Variants in KIRREL3 observed in about 807,000 individuals in gnomAD.
The protein encoded by KIRREL3 is kin of IRRE-like protein 3.
KIRREL3 carries 36 observed loss-of-function variants against 89.7 expected under a neutral mutation model. That is an observed-to-expected ratio of 0.40 (90% confidence interval 0.31 to 0.53). The LOEUF (loss-of-function observed/expected upper bound fraction) is 0.53. Ranked by LOEUF, KIRREL3 falls within the 20% of genes least tolerant of loss-of-function variation. The probability of loss-of-function intolerance (pLI) is 0.49; values close to 1 mark genes in which losing one functional copy is unlikely to be tolerated. For missense variants in KIRREL3, 864 were observed against 1,056.6 expected (o/e 0.82, Z 2.53); for synonymous variants, 445 against 441.4 (o/e 1.01, Z -0.10).
rs1421055627 is a variant in KIRREL3 at position 126,969,354 on chromosome 11, G to A, written c.55+31101C>T. 6.6e-6 allele frequency among the ~76,000 whole-genome samples: 1 copy of A among 152,146 alleles called. No individual in the cohort carries two copies. Among genetic ancestry groups the A allele is most frequent in the East Asian group, 1.9e-4 (1 of 5,186 alleles). ...GTTGTCCACTGGGGAAAACGCCTGGGCAATTCCCTGCAGTGTGGCAGGTGT... is the reference window on the plus strand; with the variant it reads ...GTTGTCCACTGGGGAAAACGCCTGGACAATTCCCTGCAGTGTGGCAGGTGT... On this transcript the variant is annotated intron_variant, in intron 1 of 16. Coordinates refer to ENST00000525144, the MANE Select transcript of KIRREL3 (RefSeq NM_032531.4). This position sits in a 1 kb window ranked among gnomAD's most constrained non-coding sequence, Gnocchi z 4.9.
At chr11:126,473,106 T>TCGCTACCTAACCCCCCCAGCCCCTCCCAA (rs1956966056) in intron 5 of KIRREL3, among the ~76,000 whole-genome samples, 1 of 580 alleles carries the variant, frequency 1.7e-3, no homozygotes, top group Non-Finnish European at 4.8e-3. Flanking sequence ...GCCCCTCTCC[T>TCGCTACCTAACCCCCCCAGCCCCTCCCAA]CTTAGGCCCC....
chr11:126,700,063 T>C (rs1947252613), intron 1 of KIRREL3, among the ~76,000 whole-genome samples: 1 of 152,046 alleles, frequency 6.6e-6, no homozygotes, highest in African/African-American at 2.4e-5. Context: ...GCGTGGTGGC[T>C]CATGCCTGTG....
intron 1 of KIRREL3, among the ~76,000 whole-genome samples, chr11:126,959,908 G>A (rs559481857): frequency 6.6e-6 from 1 of 152,172 alleles, no homozygotes; most frequent in African/African-American, 2.4e-5. Flanking sequence ...ACCATTGCTC[G>A]TACTCACTGC....
rs944030224 is a variant in KIRREL3 at position 126,983,726 on chromosome 11, C to G, written c.55+16729G>C. 1.3e-5 allele frequency among the ~76,000 whole-genome samples: 2 copies of G among 152,146 alleles called. No individual in the cohort carries two copies. The highest frequency in any genetic ancestry group is 2.9e-5 in the Non-Finnish European group (2 of 68,038). ...CAGCCCTGCAGCACCTGGATGCCAGCCCGTGAGATCCATTCTAGACCTCTG... is the reference window on the plus strand; with the variant it reads ...CAGCCCTGCAGCACCTGGATGCCAGGCCGTGAGATCCATTCTAGACCTCTG... On this transcript the variant is annotated intron_variant, in intron 1 of 16. Coordinates refer to ENST00000525144, the MANE Select transcript of KIRREL3 (RefSeq NM_032531.4). The surrounding 1 kb of genome is among the most constrained non-coding windows in gnomAD (Gnocchi z 4.9).
chr11:126,846,460 AG>A (rs1944146311), intron 1 of KIRREL3, among the ~76,000 whole-genome samples: 1 of 152,240 alleles, frequency 6.6e-6, no homozygotes, highest in South Asian at 2.1e-4. Context: ...CATGCCTTTT[AG>A]GTCACATGAC....
chr11:126,868,360 G>A lies in KIRREL3; in HGVS notation c.55+132095C>T, dbSNP rs78444894. Reference sequence around the variant, plus strand: ...AGGACCCCGTAGATCGATGTGGGTCGTCAGCAAGGCTGGAGAGGGCTCAGG... The same window carrying A: ...AGGACCCCGTAGATCGATGTGGGTCATCAGCAAGGCTGGAGAGGGCTCAGG... On this transcript the variant is annotated intron_variant, in intron 1 of 16. Transcript: ENST00000525144. Among the ~76,000 whole-genome samples the A allele has an allele frequency of 1.4e-3, 211 of 152,304 alleles. 2 individuals carry two copies. Among genetic ancestry groups the A allele is most frequent in the Non-Finnish European group, 1.2e-3 (79 of 68,026 alleles).
intron 2 of KIRREL3, among the ~76,000 whole-genome samples, chr11:126,548,480 T>C (rs1000705433): frequency 6.6e-6 from 1 of 152,160 alleles, no homozygotes. Context: ...ACCGCTTGGG[T>C]GCCCTAGCTG....
chr11:126,717,981 C>G (rs560307386), intron 1 of KIRREL3, among the ~76,000 whole-genome samples: 4 of 152,248 alleles, frequency 2.6e-5, no homozygotes, highest in Non-Finnish European at 5.9e-5. Flanking sequence ...CCTGTTTTGA[C>G]AGAACTCTAC....
chr11:126,793,222 TC>T (rs796503116), intron 1 of KIRREL3, among the ~76,000 whole-genome samples: 9 of 152,000 alleles, frequency 5.9e-5, no homozygotes, highest in African/African-American at 1.7e-4. Flanking sequence ...CACTGGAAAT[TC>T]CTTTAGACTC....
Position 126,776,453 on chromosome 11 carries a change from T to A in KIRREL3, c.56-213541A>T, listed in dbSNP as rs993526906. 5.3e-5 allele frequency among the ~76,000 whole-genome samples: 8 copies of A among 152,068 alleles called. No homozygotes were observed. Among genetic ancestry groups the A allele is most frequent in the Admixed American group, 2.0e-4 (3 of 15,274 alleles). ...TCTCAGGGTGGCTGTGAGAATCAAA[T>A]GAAATGATTTGCAGCACCATAGCAG... On this transcript the variant is annotated intron_variant, in intron 1 of 16. Transcript: ENST00000525144. The surrounding 1 kb of genome is among the most constrained non-coding windows in gnomAD (Gnocchi z 4.7).
Position 126,562,550 on chromosome 11 carries a change from G to A in KIRREL3, c.133+285C>T, listed in dbSNP as rs559167588. 5.5e-4 allele frequency among the ~76,000 whole-genome samples: 84 copies of A among 152,202 alleles called. No homozygotes were observed. The highest frequency in any genetic ancestry group is 1.0e-3 in the Non-Finnish European group (71 of 68,008). On this transcript the variant is annotated intron_variant, in intron 2 of 16. Transcript: ENST00000525144. The surrounding 1 kb of genome is among the most constrained non-coding windows in gnomAD (Gnocchi z 4.7). The stretch of plus-strand genomic sequence containing the variant: ...TTGGGCTGGCTGTGGGGTGGGGTGC[G>A]GAAGAAATGGTAGGGAAGAGAGAGG...
rs1282198133 is a variant in KIRREL3 at position 126,750,454 on chromosome 11, A to G, written c.56-187542T>C. ...CACTCTTACCCTCTTTAGAAACAGA[A>G]GGGACTGGAGAGGTTTGGCTGAGAG... On this transcript the variant is annotated intron_variant, in intron 1 of 16. Coordinates refer to ENST00000525144, the MANE Select transcript of KIRREL3 (RefSeq NM_032531.4). The surrounding 1 kb of genome is among the most constrained non-coding windows in gnomAD (Gnocchi z 4.2). Among the ~76,000 whole-genome samples the G allele has an allele frequency of 6.6e-6, 1 of 151,682 alleles. No individual in the cohort carries two copies. The highest frequency in any genetic ancestry group is 1.9e-4 in the East Asian group (1 of 5,178).
At chr11:126,930,078 A>C (rs1268007446) in intron 1 of KIRREL3, among the ~76,000 whole-genome samples, 2 of 148,684 alleles carry the variant, frequency 1.3e-5, no homozygotes. Flanking sequence ...TTTGTTGTAC[A>C]TTTTGCTGAT....
intron 1 of KIRREL3, among the ~76,000 whole-genome samples, chr11:126,700,604 C>T (rs1947275971): frequency 6.6e-6 from 1 of 152,250 alleles, no homozygotes; most frequent in African/African-American, 2.4e-5. Context: ...TTTGGCCGAT[C>T]CTCTGCCTCC....
chr11:126,436,728 G>T, intron 12 of KIRREL3, 83 bp downstream of exon 12: 4 of 1,476,992 alleles, frequency 2.7e-6, no homozygotes, highest in Non-Finnish European at 3.7e-6. Context: ...CCACCTTGCA[G>T]CCACCCGCGC....
rs1008474523 is a variant in KIRREL3, at chr11:126,900,154, T to C, written c.55+100301A>G. Among the ~76,000 whole-genome samples the C allele has an allele frequency of 4.6e-5, 7 of 152,230 alleles. No homozygotes were observed. The highest frequency in any genetic ancestry group is 7.2e-5 in the African/African-American group (3 of 41,466). ...TCAGGAAACTAAATGTGAGTGTATCTGTTCCCATGTGTGTAAATATACAGC... is the reference window on the plus strand; with the variant it reads ...TCAGGAAACTAAATGTGAGTGTATCCGTTCCCATGTGTGTAAATATACAGC... On this transcript the variant is annotated intron_variant, in intron 1 of 16. Transcript: ENST00000525144. This position sits in a 1 kb window ranked among gnomAD's most constrained non-coding sequence, Gnocchi z 4.4.
intron 1 of KIRREL3, among the ~76,000 whole-genome samples, chr11:126,731,578 G>A (rs749990515): frequency 3.3e-5 from 5 of 152,234 alleles, no homozygotes; most frequent in Non-Finnish European, 7.3e-5. Flanking sequence ...TGTCTGGTGA[G>A]TGAATGCACA....
intron 1 of KIRREL3, among the ~76,000 whole-genome samples, chr11:126,913,177 G>T (rs1946895700): frequency 6.6e-6 from 1 of 152,162 alleles, no homozygotes; most frequent in Admixed American, 6.5e-5. Context: ...AGATAGTTAG[G>T]GTCAATAGTG....
chr11:126,866,668 C>T (rs920452007), intron 1 of KIRREL3, among the ~76,000 whole-genome samples: 1 of 151,560 alleles, frequency 6.6e-6, no homozygotes, highest in African/African-American at 2.4e-5. Context: ...CACACACTGA[C>T]CAGCCTATAA....
Sources: gnomAD v4.1 joint callset for allele counts (sites outside exome capture counted in the v4.1 genomes callset) on GRCh38, gnomAD v4.1.1 for gene constraint, Gnocchi (gnomAD v3.1) non-coding constraint, MANE v1.5 for transcripts, NCBI Gene and HGNC (gene_info 2026-07-23, HGNC 2026-07-21) for gene names.